The following ASIC2 variants were observed in gnomAD, a reference collection of about 807,000 sequenced individuals.
ASIC2 encodes the protein acid-sensing ion channel 2.
ASIC2 carries 25 observed loss-of-function variants against 57.3 expected under a neutral mutation model. That is an observed-to-expected ratio of 0.44 (90% confidence interval 0.32 to 0.61). ASIC2 has a LOEUF of 0.61. Ranked by LOEUF, ASIC2 falls within the 20% of genes least tolerant of loss-of-function variation. ASIC2 has a pLI of 0.06. For missense variants in ASIC2, 641 were observed against 738.1 expected (o/e 0.87, Z 1.52); for synonymous variants, 319 against 307.5 (o/e 1.04, Z -0.39).
At chr17:33,799,268 T>C (rs1912009371) in intron 1 of ASIC2, among the ~76,000 whole-genome samples, 1 of 151,432 alleles carries the variant, frequency 6.6e-6, no homozygotes, top group Admixed American at 6.6e-5. Flanking sequence ...CATCAATCCG[T>C]TTTTCCTCCC....
At chr17:33,839,861 C>A (rs1489059968) in intron 1 of ASIC2, among the ~76,000 whole-genome samples, 1 of 152,184 alleles carries the variant, frequency 6.6e-6, no homozygotes, top group Non-Finnish European at 1.5e-5. Context: ...CCAGAGCCAG[C>A]CTTGTTGCTT....
intron 1 of ASIC2, among the ~76,000 whole-genome samples, chr17:34,041,787 A>G (rs899391099): frequency 2.0e-5 from 3 of 152,226 alleles, no homozygotes; most frequent in African/African-American, 7.2e-5. Context: ...TTCAGGAGAC[A>G]GGGACTAGCA....
intron 1 of ASIC2, among the ~76,000 whole-genome samples, chr17:33,364,230 C>A (rs1908720678): frequency 6.6e-6 from 1 of 152,140 alleles, no homozygotes; most frequent in Non-Finnish European, 1.5e-5. Flanking sequence ...CTGACTTTGG[C>A]CAAGACACAT....
At chr17:33,962,391 C>T (rs1309966448) in intron 1 of ASIC2, among the ~76,000 whole-genome samples, 6 of 152,022 alleles carry the variant, frequency 3.9e-5, no homozygotes, top group South Asian at 2.1e-4. Context: ...CTCTAATACC[C>T]AAGGATGAAT....
intron 1 of ASIC2, among the ~76,000 whole-genome samples, chr17:33,755,807 G>C (rs1006464749): frequency 6.6e-5 from 10 of 152,212 alleles, no homozygotes; most frequent in African/African-American, 2.4e-4. Context: ...GACCCACTGG[G>C]TGAAGAAGGC....
chr17:33,604,503 C>T (rs903113378), intron 1 of ASIC2, among the ~76,000 whole-genome samples: 10 of 152,188 alleles, frequency 6.6e-5, no homozygotes, highest in African/African-American at 2.4e-5. Flanking sequence ...ATGTGCACAA[C>T]GGTGGCATGG....
At chr17:33,854,152 G>A (rs1381361215) in intron 1 of ASIC2, among the ~76,000 whole-genome samples, 2 of 152,186 alleles carry the variant, frequency 1.3e-5, no homozygotes, top group Non-Finnish European at 2.9e-5. Context: ...TAAGGAGGAG[G>A]CACATTTCTT....
intron 1 of ASIC2, among the ~76,000 whole-genome samples, chr17:33,372,384 C>T (rs942255918): frequency 6.6e-6 from 1 of 152,072 alleles, no homozygotes; most frequent in Non-Finnish European, 1.5e-5. Flanking sequence ...GTTTCCTCAC[C>T]TAGGACATAG....
intron 1 of ASIC2, among the ~76,000 whole-genome samples, chr17:33,510,950 T>A (rs1416126602): frequency 6.6e-6 from 1 of 152,106 alleles, no homozygotes; most frequent in Non-Finnish European, 1.5e-5. Context: ...GGCCGTAGAG[T>A]CTGTTGTCTG....
intron 1 of ASIC2, among the ~76,000 whole-genome samples, chr17:33,392,807 G>A (rs1357865796): frequency 6.6e-6 from 1 of 152,098 alleles, no homozygotes; most frequent in Non-Finnish European, 1.5e-5. Context: ...ATATCTATGG[G>A]CATTCCTCTG....
intron 1 of ASIC2, among the ~76,000 whole-genome samples, chr17:33,253,356 CAT>C (rs1343769730): frequency 5.3e-5 from 8 of 152,232 alleles, no homozygotes; most frequent in Admixed American, 6.5e-5. Flanking sequence ...CAAACACAAT[CAT>C]GTGTGCATGC....
intron 1 of ASIC2, among the ~76,000 whole-genome samples, chr17:33,430,514 T>C (rs1025577689): frequency 6.6e-6 from 1 of 152,164 alleles, no homozygotes; most frequent in Non-Finnish European, 1.5e-5. Context: ...TAATTGTCAA[T>C]GCCTTCATCT....
At chr17:33,311,009 C>A (rs559667032) in intron 1 of ASIC2, among the ~76,000 whole-genome samples, 173 of 152,244 alleles carry the variant, frequency 1.1e-3, no homozygotes, top group Non-Finnish European at 2.3e-3. Flanking sequence ...TAAACACAGA[C>A]CTGCCAGAGC....
At chr17:33,485,209 C>T (rs1461686836) in intron 1 of ASIC2, among the ~76,000 whole-genome samples, 1 of 152,236 alleles carries the variant, frequency 6.6e-6, no homozygotes, top group Non-Finnish European at 1.5e-5. Flanking sequence ...ATCATCAGTT[C>T]ATCAGACTCT....
Position 34,132,398 on chromosome 17 carries a change from G to T in ASIC2, c.555+23580C>A, listed in dbSNP as rs1313461636. The stretch of plus-strand genomic sequence containing the variant: ...TAGACGGGTTGCGGCTGCTGGCTGG[G>T]GATGGAGTGCGAGCCGGGTGGAGGC... On this transcript the variant is annotated intron_variant, in intron 1 of 9. Transcript: ENST00000359872. 3.3e-5 allele frequency among the ~76,000 whole-genome samples: 5 copies of T among 152,260 alleles called. No homozygotes were observed. In the South Asian group the frequency reaches 8.3e-4, roughly 25 times the overall value.
In ASIC2 at chr17:33,359,443, C is replaced by T. The variant is rs114520321; in HGVS notation, c.556-247376G>A. The stretch of plus-strand genomic sequence containing the variant: ...TGAACATGAATCCATGGTATGAGGC[C>T]ACCACTACCTACTTGGTCAGGGGTT... On this transcript the variant is annotated intron_variant, in intron 1 of 9. Coordinates refer to the ASIC2 transcript ENST00000359872. 3.3e-3 allele frequency among the ~76,000 whole-genome samples: 495 copies of T among 152,182 alleles called. 1 individual carries two copies. Among genetic ancestry groups the T allele is most frequent in the African/African-American group, 0.012 (484 of 41,520 alleles).
intron 1 of ASIC2, among the ~76,000 whole-genome samples, chr17:33,411,473 C>T (rs1183956805): frequency 6.6e-6 from 1 of 152,210 alleles, no homozygotes; most frequent in Non-Finnish European, 1.5e-5. Flanking sequence ...TTCAAACAGC[C>T]TCCCTTACTG....
intron 1 of ASIC2, among the ~76,000 whole-genome samples, chr17:34,136,242 C>T (rs917427772): frequency 1.3e-5 from 2 of 152,142 alleles, no homozygotes; most frequent in African/African-American, 4.8e-5. Flanking sequence ...AGTATTTTAC[C>T]CCAAAATACA....
chr17:33,079,116 T>G (rs1006886304), intron 3 of ASIC2, among the ~76,000 whole-genome samples: 1 of 152,214 alleles, frequency 6.6e-6, no homozygotes, highest in Admixed American at 6.5e-5. Context: ...ATTTATTCGT[T>G]CATTTCATCC....
Sources: allele counts gnomAD v4.1 joint callset (sites outside exome capture counted in the v4.1 genomes callset), GRCh38; gene constraint gnomAD v4.1.1; transcripts MANE v1.5; gene names NCBI Gene and HGNC (gene_info 2026-07-23, HGNC 2026-07-21).